The following UNC13C variants were observed in gnomAD, a reference collection of about 807,000 sequenced individuals.
UNC13C encodes protein unc-13 homolog C.
In UNC13C, 174 loss-of-function variants were observed where a neutral mutation model predicts 245.4. The ratio of observed to expected loss-of-function variants is 0.71; its 90% CI spans 0.63 to 0.80. The LOEUF is 0.80. Ranked by LOEUF, UNC13C falls within the 30% of genes least tolerant of loss-of-function variation. The probability of loss-of-function intolerance (pLI) is 0.00; values close to 1 mark genes in which losing one functional copy is unlikely to be tolerated. For missense variants in UNC13C, 2,829 were observed against 2,602.9 expected, an observed-to-expected ratio of 1.09 and a Z score of -1.89; for synonymous variants, 992 against 895.1, an observed-to-expected ratio of 1.11 and a Z score of -1.93.
At position 54,230,819 on chromosome 15, in the gene UNC13C, A is replaced by G. The variant is rs922745233; in HGVS notation, c.3072-4211A>G. The stretch of plus-strand genomic sequence containing the variant: ...AATTAACTTGATTTAATCAGCCCAC[A>G]TTGCCTACCTATATCAAAACATCAC... On this transcript the variant is annotated intron_variant, in intron 4 of 32. Coordinates refer to ENST00000260323, the MANE Select transcript of UNC13C (RefSeq NM_001080534.3). 3.9e-5 allele frequency among the ~76,000 whole-genome samples: 6 copies of G among 152,058 alleles called. 1 individual carries two copies. The highest frequency in any genetic ancestry group is 8.8e-5 in the Non-Finnish European group (6 of 67,914).
At chr15:54,611,652 A>AGTAAGTTAT (rs1165636725) in intron 30 of UNC13C, 1 of 152,124 alleles carries the variant, frequency 6.6e-6, no homozygotes, top group South Asian at 2.1e-4. Flanking sequence ...ATTGTAAGTA[A>AGTAAGTTAT]GTAAGTTATA....
At chr15:53,839,108 G>A in the UNC13C span, among the ~76,000 whole-genome samples, 14 of 114,964 alleles carry the variant, frequency 1.2e-4, no homozygotes, top group African/African-American at 3.6e-4. Context: ...TTTCTAAAAC[G>A]TGTAAAATGT....
At chr15:53,908,182 T>C in the UNC13C span, among the ~76,000 whole-genome samples, 1 of 146,514 alleles carries the variant, frequency 6.8e-6, no homozygotes, top group Non-Finnish European at 1.5e-5. Flanking sequence ...GTCCACAGCA[T>C]ATCAGAAACA....
chr15:54,091,844 C>A (rs1041760607), intron 2 of UNC13C, among the ~76,000 whole-genome samples: 3 of 151,970 alleles, frequency 2.0e-5, no homozygotes, highest in African/African-American at 4.8e-5. Flanking sequence ...TTCCTGCTTC[C>A]AGCATTTTCT....
chr15:54,001,480 CAACTGAGCAGCTTGCATTAGTCT>C (rs1395990119), intron 1 of UNC13C, among the ~76,000 whole-genome samples: 1 of 152,138 alleles, frequency 6.6e-6, no homozygotes, highest in Non-Finnish European at 1.5e-5. Flanking sequence ...TAGACTAATG[CAACTGAGCAGCTTGCATTAGTCT>C]AAATGAACCC....
chr15:54,355,795 C>G (rs1386467155), intron 17 of UNC13C, among the ~76,000 whole-genome samples: 2 of 152,082 alleles, frequency 1.3e-5, no homozygotes, highest in East Asian at 3.9e-4. Context: ...TACTCAGCCT[C>G]CCCTCCTGGA....
At chr15:54,584,404 C>A (rs1208198090) in intron 30 of UNC13C, among the ~76,000 whole-genome samples, 2 of 152,176 alleles carry the variant, frequency 1.3e-5, no homozygotes, top group Non-Finnish European at 2.9e-5. Flanking sequence ...ACCTCGAATT[C>A]TTTAGCCGAA....
chr15:54,183,320 A>G (rs1256297491), intron 4 of UNC13C, among the ~76,000 whole-genome samples: 1 of 151,364 alleles, frequency 6.6e-6, no homozygotes, highest in African/African-American at 2.4e-5. Flanking sequence ...AAATGCTGGC[A>G]CAATAACTAC....
intron 30 of UNC13C, among the ~76,000 whole-genome samples, chr15:54,596,703 C>G (rs1028071508): frequency 6.6e-6 from 1 of 152,164 alleles, no homozygotes; most frequent in African/African-American, 2.4e-5. Context: ...GCAGATCTCT[C>G]ATGAATGGTT....
chr15:54,355,644 C>T lies in UNC13C; in HGVS notation c.4713+17155C>T, dbSNP rs193255124. ...AAGTGCTGGGATTACAGGTGTGAGC[C>T]ACAGCACCCAGCCCTCACTTTGCTT... is the stretch of plus-strand genomic sequence containing the variant. On this transcript the variant is annotated intron_variant, in intron 17 of 32. Coordinates refer to ENST00000260323, the MANE Select transcript of UNC13C (RefSeq NM_001080534.3). 2.6e-3 allele frequency among the ~76,000 whole-genome samples: 399 copies of T among 152,152 alleles called. 5 individuals carry two copies. The highest frequency in any genetic ancestry group is 1.6e-3 in the Non-Finnish European group (108 of 68,010).
chr15:54,221,110 T>C lies in UNC13C; in HGVS notation c.3072-13920T>C, dbSNP rs1014625144. On this transcript the variant is annotated intron_variant, in intron 4 of 32. Coordinates refer to ENST00000260323, the MANE Select transcript of UNC13C (RefSeq NM_001080534.3). Reference sequence around the variant, plus strand: ...TTATTTTGTGTATATTTTCCCTTCATGTATTGACAAAAATGGTAGATAAAT... The same window carrying C: ...TTATTTTGTGTATATTTTCCCTTCACGTATTGACAAAAATGGTAGATAAAT... Among the ~76,000 whole-genome samples the C allele has an allele frequency of 3.3e-5, 5 of 151,992 alleles. No homozygotes were observed. The East Asian group carries it at 9.6e-4, about 29-fold the overall frequency.
chr15:54,324,836 T>C (rs1358134753), intron 14 of UNC13C, among the ~76,000 whole-genome samples: 1 of 152,092 alleles, frequency 6.6e-6, no homozygotes, highest in African/African-American at 2.4e-5. Context: ...TCACGAAGTT[T>C]GTTCAGTGAA....
chr15:54,365,762 GA>G (rs796539719), intron 17 of UNC13C, among the ~76,000 whole-genome samples: 2,721 of 133,974 alleles, frequency 0.02, 93 homozygotes, highest in African/African-American at 0.069. Context: ...AAGAAAAAAA[GA>G]AAAAAAAAAA....
intron 4 of UNC13C, among the ~76,000 whole-genome samples, chr15:54,152,132 C>G (rs571417271): frequency 6.6e-6 from 1 of 152,320 alleles, no homozygotes; most frequent in Admixed American, 6.5e-5. Flanking sequence ...TCAACATAAG[C>G]TTAAGCATAG....
chr15:54,217,318 A>T (rs527877476), intron 4 of UNC13C, among the ~76,000 whole-genome samples: 74 of 152,116 alleles, frequency 4.9e-4, no homozygotes, highest in African/African-American at 1.8e-3. Context: ...AGGATGTGGC[A>T]TCATCAGAGC....
intron 17 of UNC13C, among the ~76,000 whole-genome samples, chr15:54,344,122 C>A (rs1325106691): frequency 1.3e-5 from 2 of 152,114 alleles, no homozygotes; most frequent in African/African-American, 2.4e-5. Context: ...AAAAAGAGAG[C>A]TCAGAAGAGT....
intron 30 of UNC13C, among the ~76,000 whole-genome samples, chr15:54,619,238 C>CGTTAAT (rs61106359): frequency 0.025 from 3,805 of 152,186 alleles, 153 homozygotes; most frequent in African/African-American, 0.086. Context: ...TCCTCACTTA[C>CGTTAAT]GTTAATAAGC....
At chr15:54,239,188 A>G (rs1332073703) in intron 7 of UNC13C, among the ~76,000 whole-genome samples, 1 of 152,160 alleles carries the variant, frequency 6.6e-6, no homozygotes, top group Non-Finnish European at 1.5e-5. Context: ...CTGTAACTTA[A>G]CATTTAAACA....
intron 30 of UNC13C, among the ~76,000 whole-genome samples, chr15:54,615,031 A>C (rs2553220): frequency 0.77 from 117,523 of 151,776 alleles, 46,359 homozygotes; most frequent in African/African-American, 0.94. Context: ...TTCACTCATC[A>C]TCAAATGAGA....
Sources: gnomAD v4.1 joint callset for allele counts (sites outside exome capture counted in the v4.1 genomes callset) on GRCh38, gnomAD v4.1.1 for gene constraint, MANE v1.5 for transcripts, NCBI Gene and HGNC (gene_info 2026-07-23, HGNC 2026-07-21) for gene names.